Variants in OLFM3 observed in about 807,000 individuals in gnomAD.
OLFM3 encodes olfactomedin 3.
OLFM3 carries 20 observed loss-of-function variants against 48.6 expected under a neutral mutation model. That is an observed-to-expected ratio of 0.41 (90% CI 0.29 to 0.60). The LOEUF (loss-of-function observed/expected upper bound fraction) is 0.60. OLFM3 is among the 20% of genes least tolerant of loss of function. The pLI is 0.28. For synonymous variants in OLFM3, 222 were observed against 198.1 expected (o/e 1.12, Z -1.01); for missense variants, 437 against 544.3 (o/e 0.80, Z 1.96).
intron 1 of OLFM3, among the ~76,000 whole-genome samples, chr1:101,881,477 T>C (rs1174840965): frequency 6.6e-6 from 1 of 151,872 alleles, no homozygotes; most frequent in Admixed American, 6.6e-5. Flanking sequence ...AGTTCAGTCT[T>C]TTCAGAATGA....
intron 1 of OLFM3, among the ~76,000 whole-genome samples, chr1:101,870,210 A>C (rs943418940): frequency 2.6e-5 from 4 of 152,022 alleles, no homozygotes; most frequent in African/African-American, 9.7e-5. Flanking sequence ...TATAATGTGG[A>C]TATATCTCTT....
At chr1:101,953,212 A>G (rs1037375285) in intron 1 of OLFM3, among the ~76,000 whole-genome samples, 1 of 152,168 alleles carries the variant, frequency 6.6e-6, no homozygotes, top group Admixed American at 6.5e-5. Flanking sequence ...GAATATGTCA[A>G]ATTACATATA....
intron 1 of OLFM3, among the ~76,000 whole-genome samples, chr1:101,963,525 A>AGTCTTACAGC (rs1660524592): frequency 1.3e-5 from 2 of 151,370 alleles, no homozygotes; most frequent in Non-Finnish European, 3.0e-5. Flanking sequence ...AGACTTACAG[A>AGTCTTACAGC]GACTTACAGC....
At chr1:101,939,734 G>C (rs113789651) in intron 1 of OLFM3, among the ~76,000 whole-genome samples, 28 of 152,152 alleles carry the variant, frequency 1.8e-4, no homozygotes, top group Non-Finnish European at 3.7e-4. Flanking sequence ...AGACTGTTTA[G>C]AAAATATGGG....
At chr1:101,830,089 C>A (rs971223128) in intron 3 of OLFM3, among the ~76,000 whole-genome samples, 4 of 152,134 alleles carry the variant, frequency 2.6e-5, no homozygotes, top group African/African-American at 9.6e-5. Flanking sequence ...CTGCCCACCT[C>A]GGCCTCCCAA....
chr1:101,965,118 G>C (rs1329617164), intron 1 of OLFM3, among the ~76,000 whole-genome samples: 1 of 152,044 alleles, frequency 6.6e-6, no homozygotes, highest in African/African-American at 2.4e-5. Flanking sequence ...TTGTTTAAAG[G>C]GTACTAAAGG....
At chr1:101,870,741 G>T (rs1282127920) in intron 1 of OLFM3, among the ~76,000 whole-genome samples, 1 of 151,864 alleles carries the variant, frequency 6.6e-6, no homozygotes, top group East Asian at 1.9e-4. Flanking sequence ...TTCCTGTGGG[G>T]GTGTAGGCAG....
chr1:101,906,375 TTAAG>T (rs1325248087), intron 1 of OLFM3, among the ~76,000 whole-genome samples: 3 of 152,114 alleles, frequency 2.0e-5, no homozygotes, highest in Non-Finnish European at 4.4e-5. Flanking sequence ...GCATTGCCTC[TTAAG>T]TATTCTCATA....
At chr1:101,824,927 C>A in intron 4 of OLFM3, 99 bp downstream of exon 4, 1 of 1,033,960 alleles carries the variant, frequency 9.7e-7, no homozygotes, top group South Asian at 1.5e-5. Context: ...GATTTCTTTA[C>A]AATTAGATAT....
At chr1:101,826,129 A>AACACACAC (rs66617960) in intron 3 of OLFM3, among the ~76,000 whole-genome samples, 1,537 of 133,046 alleles carry the variant, frequency 0.012, 29 homozygotes, top group African/African-American at 0.039. Context: ...ACTTTCGTCA[A>AACACACAC]ACACACACAC....
At position 101,830,711 on chromosome 1, in the gene OLFM3, A is replaced by G. The variant is rs1439730329; in HGVS notation, c.333T>C (p.Ile111=). 6.2e-7 allele frequency: 1 copy of G among 1,614,054 alleles called. No homozygotes were observed. Among genetic ancestry groups the G allele is most frequent in the Admixed American group, 1.7e-5 (1 of 59,998 alleles). ...TCATAAGTGTCTTTCGATCATCTTC[A>G]ATCTGCCGAAATTTTGCCTTCAGCC... The part of the protein sequence containing the change: ...MKGLKAKFRQ[I]EDDRKTLMTK... The change falls in exon 3 of 6, where the codon ATT becomes ATC. Residue 111 remains isoleucine (I), a synonymous_variant. Transcript: ENST00000370103.
intron 1 of OLFM3, among the ~76,000 whole-genome samples, chr1:101,959,965 A>T (rs969771431): frequency 6.6e-6 from 1 of 152,216 alleles, no homozygotes. Context: ...TATAACACGA[A>T]TAATACCACT....
At chr1:101,820,306 A>G (rs1654548850) in intron 4 of OLFM3, among the ~76,000 whole-genome samples, 1 of 152,064 alleles carries the variant, frequency 6.6e-6, no homozygotes, top group Non-Finnish European at 1.5e-5. Flanking sequence ...AAACAGCACT[A>G]ACAGGAGGGA....
chr1:101,963,801 C>T (rs1004726532), intron 1 of OLFM3, among the ~76,000 whole-genome samples: 6 of 152,048 alleles, frequency 3.9e-5, no homozygotes, highest in African/African-American at 1.4e-4. Context: ...ATTATCTGTT[C>T]AAAGTGAGGA....
At chr1:101,875,851 AAC>A (rs1402757866) in intron 1 of OLFM3, among the ~76,000 whole-genome samples, 1 of 152,066 alleles carries the variant, frequency 6.6e-6, no homozygotes, top group East Asian at 1.9e-4. Context: ...GAAAGACTTC[AAC>A]ACTGTCATTT....
chr1:101,952,669 A>G (rs1248899670), intron 1 of OLFM3, among the ~76,000 whole-genome samples: 1 of 152,164 alleles, frequency 6.6e-6, no homozygotes, highest in Non-Finnish European at 1.5e-5. Flanking sequence ...GAAACTACTA[A>G]GATAAATAAA....
chr1:101,857,954 C>G (rs1180415164), intron 1 of OLFM3, among the ~76,000 whole-genome samples: 1 of 151,994 alleles, frequency 6.6e-6, no homozygotes, highest in Non-Finnish European at 1.5e-5. Context: ...CAAAACAAAA[C>G]AACTTTTTTC....
intron 1 of OLFM3, among the ~76,000 whole-genome samples, chr1:101,847,591 T>A (rs1656058271): frequency 6.6e-6 from 1 of 152,162 alleles, no homozygotes; most frequent in African/African-American, 2.4e-5. Flanking sequence ...AGTCAAAGAT[T>A]AATAGCTACT....
intron 4 of OLFM3, among the ~76,000 whole-genome samples, chr1:101,808,881 AC>A (rs1193019711): frequency 1.3e-5 from 2 of 151,816 alleles, no homozygotes; most frequent in Non-Finnish European, 2.9e-5. Flanking sequence ...AGAAGAGATA[AC>A]TCAGAGGATA....
Sources: gnomAD v4.1 joint callset for allele counts (sites outside exome capture counted in the v4.1 genomes callset) on GRCh38, gnomAD v4.1.1 for gene constraint, MANE v1.5 for transcripts, NCBI Gene and HGNC (gene_info 2026-07-23, HGNC 2026-07-21) for gene names.